The following SCAPER variants were observed in gnomAD, a reference collection of about 807,000 sequenced individuals.
SCAPER encodes the protein S-phase cyclin A associated protein in the ER, also known as S phase cyclin A-associated protein in the endoplasmic reticulum.
SCAPER carries 98 observed loss-of-function variants against 182.2 expected under a neutral mutation model. The ratio of observed to expected loss-of-function variants is 0.54; its 90% CI spans 0.46 to 0.64. The LOEUF is 0.64. Among genes scored for constraint, SCAPER ranks in the 30% least tolerant of loss-of-function variants. The pLI is 0.00. For missense variants in SCAPER, 1,432 were observed against 1,690.0 expected (o/e 0.85, Z 2.68); for synonymous variants, 605 against 564.6 (o/e 1.07, Z -1.01).
At chr15:76,761,896 T>A (rs1047225108) in intron 14 of SCAPER, among the ~76,000 whole-genome samples, 2 of 152,228 alleles carry the variant, frequency 1.3e-5, no homozygotes, top group Non-Finnish European at 2.9e-5. Flanking sequence ...AGTCTCCTAC[T>A]GTTATTGTAT....
At chr15:76,582,034 C>A (rs755673205) in intron 22 of SCAPER, among the ~76,000 whole-genome samples, 2 of 152,148 alleles carry the variant, frequency 1.3e-5, no homozygotes, top group Non-Finnish European at 2.9e-5. Flanking sequence ...AAAAGCCTTT[C>A]CTCTAAGAAC....
At chr15:76,885,430 A>G (rs1348789905) in intron 1 of SCAPER, among the ~76,000 whole-genome samples, 2 of 152,182 alleles carry the variant, frequency 1.3e-5, no homozygotes, top group Non-Finnish European at 2.9e-5. Context: ...AACACTCCCA[A>G]TTCACTTTGC....
At chr15:76,452,844 C>CT (rs74477423) in intron 25 of SCAPER, among the ~76,000 whole-genome samples, 131 of 144,448 alleles carry the variant, frequency 9.1e-4, no homozygotes, top group East Asian at 1.4e-3. Context: ...GTTCAAAGAA[C>CT]TTTTTTTTTT....
At chr15:76,359,101 G>A (rs1004820331) in intron 29 of SCAPER, among the ~76,000 whole-genome samples, 1 of 152,226 alleles carries the variant, frequency 6.6e-6, no homozygotes, top group African/African-American at 2.4e-5. Context: ...AGTTATGAGT[G>A]TTTGGTTAGC....
chr15:76,352,804 T>TC (rs1393248590), intron 30 of SCAPER, among the ~76,000 whole-genome samples: 2 of 152,154 alleles, frequency 1.3e-5, no homozygotes, highest in Non-Finnish European at 2.9e-5. Context: ...ATATGAAGAA[T>TC]CCTAAGTGTT....
chr15:76,436,549 G>C (rs1178340505), intron 25 of SCAPER, among the ~76,000 whole-genome samples: 1 of 151,580 alleles, frequency 6.6e-6, no homozygotes, highest in African/African-American at 2.4e-5. Flanking sequence ...CTTTCTATAT[G>C]TTTTGGTAGT....
chr15:76,399,380 C>T (rs555740935), intron 27 of SCAPER, among the ~76,000 whole-genome samples: 6 of 152,224 alleles, frequency 3.9e-5, no homozygotes, highest in Admixed American at 3.9e-4. Context: ...TCAGGTGATC[C>T]ACCTGCCTTG....
chr15:76,638,733 G>T (rs1039457710), intron 21 of SCAPER, among the ~76,000 whole-genome samples: 29 of 151,948 alleles, frequency 1.9e-4, no homozygotes, highest in Admixed American at 1.8e-3. Context: ...AAACTATGTC[G>T]AGAATGACAA....
intron 19 of SCAPER, among the ~76,000 whole-genome samples, chr15:76,702,276 C>CTAT (rs1567846842): frequency 6.6e-6 from 1 of 151,796 alleles, no homozygotes; most frequent in South Asian, 2.1e-4. Context: ...TTTTTTAGAT[C>CTAT]TAATACCCCA....
At chr15:76,600,103 A>G (rs2049800165) in intron 22 of SCAPER, among the ~76,000 whole-genome samples, 1 of 121,392 alleles carries the variant, frequency 8.2e-6, no homozygotes, top group South Asian at 2.5e-4. Context: ...TAATTACAGA[A>G]TATATGTAGA....
chr15:76,847,905 A>G (rs1223930995), intron 4 of SCAPER, among the ~76,000 whole-genome samples: 2 of 152,226 alleles, frequency 1.3e-5, no homozygotes, highest in Non-Finnish European at 2.9e-5. Flanking sequence ...TGGGAAACAG[A>G]GCAAGACCCT....
intron 25 of SCAPER, among the ~76,000 whole-genome samples, chr15:76,439,108 T>C (rs567419094): frequency 2.6e-5 from 4 of 152,034 alleles, no homozygotes; most frequent in East Asian, 3.9e-4. Flanking sequence ...TTTAAGAAGA[T>C]AGAGTCTTGC....
rs573944356 is a variant in SCAPER, at chr15:76,391,780, C to T, written c.3468-10165G>A. Among the ~76,000 whole-genome samples, 213 of 152,220 alleles carry T rather than the reference C, an allele frequency of 1.4e-3. 2 individuals are homozygous for T. Among genetic ancestry groups the T allele is most frequent in the Non-Finnish European group, 2.0e-3 (135 of 68,008 alleles). ...CTGCTAGGATATTTAGCTTCTTTCTCTAGGTAAATACTTTTAACTCTAGAC... is the reference window on the plus strand; with the variant it reads ...CTGCTAGGATATTTAGCTTCTTTCTTTAGGTAAATACTTTTAACTCTAGAC... On this transcript the variant is annotated intron_variant, in intron 27 of 31. Transcript: ENST00000563290.
At chr15:76,718,460 G>A (rs547557805) in intron 17 of SCAPER, among the ~76,000 whole-genome samples, 2 of 151,934 alleles carry the variant, frequency 1.3e-5, no homozygotes, top group African/African-American at 2.4e-5. Flanking sequence ...AGGCAAAAGC[G>A]GGCGGATCAC....
chr15:76,706,400 T>C (rs2059264473), intron 17 of SCAPER, among the ~76,000 whole-genome samples: 1 of 152,166 alleles, frequency 6.6e-6, no homozygotes, highest in Non-Finnish European at 1.5e-5. Flanking sequence ...GAAGCAATCC[T>C]GAGAAAGCTG....
At chr15:76,781,461 C>T (rs973869948) in intron 8 of SCAPER, among the ~76,000 whole-genome samples, 4 of 152,192 alleles carry the variant, frequency 2.6e-5, no homozygotes, top group Non-Finnish European at 5.9e-5. Flanking sequence ...TTGGAAAACA[C>T]TCTTCAGGAT....
At chr15:76,575,171 A>C (rs2047726638) in intron 22 of SCAPER, among the ~76,000 whole-genome samples, 1 of 152,052 alleles carries the variant, frequency 6.6e-6, no homozygotes, top group Non-Finnish European at 1.5e-5. Context: ...TCTTGCATGC[A>C]TTAATTTCTT....
chr15:76,788,155 C>A (rs2064750845), intron 8 of SCAPER, among the ~76,000 whole-genome samples: 1 of 152,144 alleles, frequency 6.6e-6, no homozygotes, highest in South Asian at 2.1e-4. Context: ...AAACAAAATT[C>A]TCTGGTAACA....
Position 76,800,378 on chromosome 15 carries a change from A to G in SCAPER, c.495-14T>C. 2.0e-6 allele frequency: 3 copies of G among 1,473,328 alleles called. 1 individual carries two copies. The highest frequency in any genetic ancestry group is 3.5e-4 in the Middle Eastern group (2 of 5,778). 91.3% of individuals were successfully genotyped at this position (1,473,328 alleles called of 1,614,324 possible). A position where few individuals can be genotyped will look rare whatever the true frequency, so the allele number is the denominator to read the frequency against. On this transcript the variant is annotated splice_polypyrimidine_tract_variant and intron_variant, in intron 6 of 31. Transcript: ENST00000563290. ...AATGATGTTGGTCTGCGAATTCAAT[A>G]TATAAACCAGATTAAATTAACAGAG...
Sources: allele counts gnomAD v4.1 joint callset (sites outside exome capture counted in the v4.1 genomes callset), GRCh38; gene constraint gnomAD v4.1.1; transcripts MANE v1.5; gene names NCBI Gene and HGNC (gene_info 2026-07-23, HGNC 2026-07-21).